BLMH: variants seen among roughly 807,000 people sequenced by gnomAD.
BLMH encodes bleomycin hydrolase.
In BLMH, 32 loss-of-function variants were observed where a neutral mutation model predicts 61.6. The ratio of observed to expected loss-of-function variants is 0.52; its 90% CI spans 0.39 to 0.70. The LOEUF (loss-of-function observed/expected upper bound fraction) is 0.70. BLMH is among the 30% of genes least tolerant of loss of function. The pLI, the probability that BLMH is intolerant of heterozygous loss-of-function variation, is 0.00. For synonymous variants in BLMH, 183 were observed against 193.8 expected (o/e 0.94, Z 0.46); for missense variants, 460 against 555.5 (o/e 0.83, Z 1.73).
At chr17:30,273,037 T>A in intron 7 of BLMH, 138 bp from the exon 8 acceptor site, 2 of 958,556 alleles carry the variant, frequency 2.1e-6, no homozygotes, top group Non-Finnish European at 3.1e-6. Context: ...CATTGTTAAG[T>A]AACAAAGAAA....
chr17:30,271,320 C>T lies in BLMH; in HGVS notation c.1097G>A (p.Gly366Asp), dbSNP rs760770718. 3 of 1,614,092 alleles carry T rather than the reference C, an allele frequency of 1.9e-6. No homozygotes were observed. The highest frequency in any genetic ancestry group is 1.7e-5 in the Admixed American group (1 of 60,012). The change falls in exon 10 of 12, where the codon GGT becomes GAT. Residue 366 changes from glycine (G) to aspartate (D), a missense_variant. Physicochemically the swap from Gly to Asp is moderately conservative, Grantham distance 94. Around this residue, in one of 5 missense-constraint regions of BLMH, gnomAD observed 310 missense variants for 371.1 expected, o/e 0.84. Coordinates refer to ENST00000261714, the MANE Select transcript of BLMH (RefSeq NM_000386.4). ...CATGGCGTGGGTCATAAGTGACTCA[C>T]CAAAAGTCAGCCTCTCCGCTTTATT... ...NMNKAERLTFGESLMTHAMTF... is the reference protein window; with the variant it reads ...NMNKAERLTFDESLMTHAMTF...
At chr17:30,253,125 T>G (rs1305067771) in intron 11 of BLMH, among the ~76,000 whole-genome samples, 1 of 152,120 alleles carries the variant, frequency 6.6e-6, no homozygotes, top group Non-Finnish European at 1.5e-5. Flanking sequence ...GCAGGCTGAA[T>G]AAATCACTGC....
At chr17:30,266,353 C>T (rs887640077) in intron 11 of BLMH, among the ~76,000 whole-genome samples, 1 of 151,768 alleles carries the variant, frequency 6.6e-6, no homozygotes, top group Admixed American at 6.6e-5. Context: ...CGGTGAAACC[C>T]CGTCTCTACT....
At chr17:30,291,661 C>G in intron 1 of BLMH, 146 bp downstream of exon 1, 1 of 1,378,578 alleles carries the variant, frequency 7.3e-7, no homozygotes, top group Non-Finnish European at 9.7e-7. Context: ...AAGGAGCTGT[C>G]TCCCTCCAGG....
chr17:30,290,849 T>C (rs113416425), intron 2 of BLMH: 1,815 of 159,330 alleles, frequency 0.011, 38 homozygotes, highest in African/African-American at 0.041. Context: ...TTAGCTTCAG[T>C]TGTAACCAAG....
At chr17:30,261,169 G>T (rs915995395) in intron 11 of BLMH, among the ~76,000 whole-genome samples, 5 of 152,120 alleles carry the variant, frequency 3.3e-5, no homozygotes, top group African/African-American at 7.2e-5. Flanking sequence ...ATTGTCTTTT[G>T]TAAGTAATAC....
intron 6 of BLMH, among the ~76,000 whole-genome samples, chr17:30,275,665 G>T (rs1021946474): frequency 1.3e-5 from 2 of 151,572 alleles, no homozygotes; most frequent in African/African-American, 4.9e-5. Context: ...TGGCCTGGGG[G>T]ACAGGGCGAG....
intron 11 of BLMH, among the ~76,000 whole-genome samples, chr17:30,252,919 T>C (rs1467902006): frequency 1.3e-5 from 2 of 152,172 alleles, no homozygotes; most frequent in African/African-American, 4.8e-5. Flanking sequence ...GCCACCAGGT[T>C]CTAGCAACAA....
chr17:30,273,843 A>G (rs2143022390), intron 7 of BLMH, 199 bp downstream of exon 7: 1 of 639,100 alleles, frequency 1.6e-6, no homozygotes, highest in East Asian at 2.9e-5. Flanking sequence ...CTGAAGAGGA[A>G]CATTGTGGAA....
intron 11 of BLMH, among the ~76,000 whole-genome samples, chr17:30,254,866 T>G (rs1907771443): frequency 6.6e-6 from 1 of 152,206 alleles, no homozygotes; most frequent in Non-Finnish European, 1.5e-5. Flanking sequence ...ACTAGACCCT[T>G]TAATTTCATA....
intron 6 of BLMH, among the ~76,000 whole-genome samples, chr17:30,281,269 A>G (rs1402607157): frequency 1.3e-5 from 2 of 152,208 alleles, no homozygotes; most frequent in Non-Finnish European, 2.9e-5. Flanking sequence ...TAGTTAAATA[A>G]TGATCTTGAG....
At chr17:30,291,093 T>G (rs1908873145) in intron 2 of BLMH, 1 of 588,766 alleles carries the variant, frequency 1.7e-6, no homozygotes, top group East Asian at 2.8e-5. Context: ...CATGGACATG[T>G]CACTTTTGTA....
At chr17:30,270,039 A>C (rs1908224486) in intron 10 of BLMH, among the ~76,000 whole-genome samples, 1 of 152,242 alleles carries the variant, frequency 6.6e-6, no homozygotes, top group African/African-American at 2.4e-5. Context: ...AAAGGTACAG[A>C]AAGAAAACCC....
At chr17:30,251,658 G>A (rs1451475041) in intron 11 of BLMH, among the ~76,000 whole-genome samples, 1 of 151,320 alleles carries the variant, frequency 6.6e-6, no homozygotes, top group Non-Finnish European at 1.5e-5. Context: ...CCCCTAGTGA[G>A]CAGTTCTCAT....
intron 11 of BLMH, among the ~76,000 whole-genome samples, chr17:30,258,622 G>A (rs1324027014): frequency 6.6e-6 from 1 of 152,176 alleles, no homozygotes; most frequent in African/African-American, 2.4e-5. Flanking sequence ...GAGCCCAGAA[G>A]AAGCCTGTTC....
chr17:30,277,158 T>C (rs573715697), intron 6 of BLMH, among the ~76,000 whole-genome samples: 2 of 152,354 alleles, frequency 1.3e-5, no homozygotes, highest in African/African-American at 4.8e-5. Context: ...TAAGATTTAC[T>C]GTGTGTGTTA....
At chr17:30,265,430 C>G (rs934013018) in intron 11 of BLMH, among the ~76,000 whole-genome samples, 11 of 152,204 alleles carry the variant, frequency 7.2e-5, no homozygotes, top group African/African-American at 2.7e-4. Flanking sequence ...ACCCCCTCCT[C>G]TACCTTTTAC....
chr17:30,249,062 G>A lies in BLMH; in HGVS notation c.1323C>T (p.Pro441=), dbSNP rs747022538. Residue 441 remains proline (P), a synonymous_variant, in exon 12 of 12, where the codon CCC becomes CCT. Coordinates refer to ENST00000261714, the MANE Select transcript of BLMH (RefSeq NM_000386.4). ...TGGGGTCCCATGCTGGCAGGATAAT[G>A]GGTTCCTGCTCTAACACAGCTAGCA... ...EEVLAVLEQE[P]IILPAWDPMG... 23 of 1,613,942 alleles carry A rather than the reference G, an allele frequency of 1.4e-5. No homozygotes were observed. The highest frequency in any genetic ancestry group is 2.7e-5 in the African/African-American group (2 of 74,896).
intron 1 of BLMH, 119 bp downstream of exon 1, chr17:30,291,688 C>A: frequency 1.4e-6 from 2 of 1,387,086 alleles, no homozygotes; most frequent in Non-Finnish European, 1.9e-6. Context: ...CAGCCTGCCC[C>A]GAAAGCTCCC....
Sources: gnomAD v4.1 joint callset for allele counts (sites outside exome capture counted in the v4.1 genomes callset) on GRCh38, gnomAD v4.1.1 for gene constraint, gnomAD v4.1.1 regional missense constraint, MANE v1.5 for transcripts, NCBI Gene and HGNC (gene_info 2026-07-23, HGNC 2026-07-21) for gene names.